ZFR2: variants seen among roughly 807,000 people sequenced by gnomAD.
The protein encoded by ZFR2 is zinc finger RNA-binding protein 2.
ZFR2 carries 104 observed loss-of-function variants against 105.7 expected under a neutral mutation model. The ratio of observed to expected loss-of-function variants is 0.98; its 90% CI spans 0.84 to 1.16. The LOEUF is 1.16. Among genes scored for constraint, ZFR2 ranks in the 50% most tolerant of loss-of-function variants. The probability of loss-of-function intolerance (pLI) is 0.00; values close to 1 mark genes in which losing one functional copy is unlikely to be tolerated. For missense variants in ZFR2, 1,425 were observed against 1,355.5 expected (o/e 1.05, Z -0.80); for synonymous variants, 634 against 597.7 (o/e 1.06, Z -0.89).
chr19:3,816,747 G>A lies in ZFR2; in HGVS notation c.2030C>T (p.Ala677Val). 1.2e-6 allele frequency: 2 copies of A among 1,612,566 alleles called. No individual in the cohort carries two copies. Among genetic ancestry groups the A allele is most frequent in the Non-Finnish European group, 1.7e-6 (2 of 1,179,786 alleles). The change falls in exon 13 of 19, where the codon GCT becomes GTT. Residue 677 changes from alanine (A) to valine (V), a missense_variant. Coordinates refer to ENST00000262961, the MANE Select transcript of ZFR2 (RefSeq NM_015174.2). ...LLRGDRNVRL[A>V]LLCSEKPTHS... ...CGTGGGCTTCTCGGAGCAGAGCAGAGCGAGGCGCACGTTCCTGTCCCCACG... is the reference window on the plus strand; with the variant it reads ...CGTGGGCTTCTCGGAGCAGAGCAGAACGAGGCGCACGTTCCTGTCCCCACG...
intron 14 of ZFR2, among the ~76,000 whole-genome samples, chr19:3,811,660 G>T (rs1359993721): frequency 6.6e-6 from 1 of 152,028 alleles, no homozygotes; most frequent in Non-Finnish European, 1.5e-5. Context: ...TCCCCATGTT[G>T]GCCAGGCTGG....
At position 3,826,980 on chromosome 19, in the gene ZFR2, G is replaced by A. The variant is rs184500999; in HGVS notation, c.1035+491C>T. Among the ~76,000 whole-genome samples, 43 of 152,060 alleles carry A rather than the reference G, an allele frequency of 2.8e-4. No homozygotes were observed. In the East Asian group the frequency reaches 7.9e-3, roughly 28 times the overall value. On this transcript the variant is annotated intron_variant, in intron 6 of 18. Coordinates refer to ENST00000262961, the MANE Select transcript of ZFR2 (RefSeq NM_015174.2). The stretch of plus-strand genomic sequence containing the variant: ...AAGGAGTCCCCGCACGGTGGCTCAC[G>A]CCTGTAATCCCGGCACTTTGGGAGG...
At chr19:3,817,184 G>A (rs771379403) in intron 12 of ZFR2, among the ~76,000 whole-genome samples, 1 of 152,168 alleles carries the variant, frequency 6.6e-6, no homozygotes, top group African/African-American at 2.4e-5. Flanking sequence ...CTGTCACCCT[G>A]TTGTTTCGGC....
At chr19:3,833,833 C>T (rs1313807131) in intron 2 of ZFR2, 55 bp from the exon 3 acceptor site, 29 of 1,410,108 alleles carry the variant, frequency 2.1e-5, no homozygotes, top group Non-Finnish European at 2.6e-5. Context: ...GCAGCTCAGG[C>T]GGTGGGTGCG....
intron 8 of ZFR2, among the ~76,000 whole-genome samples, chr19:3,822,692 G>A (rs1317491070): frequency 6.6e-6 from 1 of 152,076 alleles, no homozygotes; most frequent in Admixed American, 6.5e-5. Flanking sequence ...CTCCAGCCTC[G>A]GTGACACAGC....
At chr19:3,807,696 CAT>C (rs992572520) in intron 17 of ZFR2, among the ~76,000 whole-genome samples, 2 of 149,854 alleles carry the variant, frequency 1.3e-5, no homozygotes, top group African/African-American at 4.9e-5. Context: ...TGCATGCACC[CAT>C]GTGTGTCCAT....
rs758654255 is a variant in ZFR2, at chr19:3,806,111, C to T, written c.2658G>A (p.Met886Ile). Residue 886 changes from methionine to isoleucine, a missense_variant, in exon 19 of 19, where the codon ATG becomes ATA. By Grantham distance (10) the Met-to-Ile change is conservative (BLOSUM62 1). Coordinates refer to ENST00000262961, the MANE Select transcript of ZFR2 (RefSeq NM_015174.2). ...CCTTGTGGGTCTGCCGGAAGGCCAG[C>T]ATTCGCAGGGCGTGCTGCGGGGCAC... is the stretch of plus-strand genomic sequence containing the variant. ...VTASAQHALR[M>I]LAFRQTHKVL... is the part of the protein sequence containing the mutation. The T allele has an allele frequency of 4.1e-6, 6 of 1,465,030 alleles. No homozygotes were observed. In the African/African-American group the frequency reaches 5.8e-5, roughly 14 times the overall value. 90.8% of individuals were successfully genotyped at this position (1,465,030 alleles called of 1,614,324 possible). A position where few individuals can be genotyped will look rare whatever the true frequency, so the allele number is the denominator to read the frequency against.
intron 10 of ZFR2, 142 bp downstream of exon 10, chr19:3,821,198 C>G: frequency 8.1e-7 from 1 of 1,228,896 alleles, no homozygotes; most frequent in Non-Finnish European, 1.1e-6. Flanking sequence ...AGGACGTGCC[C>G]ACTGCCCGGG....
At chr19:3,839,410 G>A (rs977941963) in intron 1 of ZFR2, among the ~76,000 whole-genome samples, 1 of 151,754 alleles carries the variant, frequency 6.6e-6, no homozygotes, top group East Asian at 1.9e-4. Flanking sequence ...GTGGGTGCCT[G>A]TAGTCCCAGC....
In ZFR2 at chr19:3,809,017, G is replaced by T. The variant is rs1476606039; in HGVS notation, c.2434-34C>A. The T allele has an allele frequency of 3.3e-6, 5 of 1,496,572 alleles. No homozygotes were observed. The East Asian group carries it at 1.3e-4, about 38-fold the overall frequency. 92.7% of individuals were successfully genotyped at this position (1,496,572 alleles called of 1,614,324 possible). A position where few individuals can be genotyped will look rare whatever the true frequency, so the allele number is the denominator to read the frequency against. ...GACAGAAGAGCAGTTGCTGTGTTTTGGGCGCGCGGCAGCCCCTGCCTGCCC... is the reference window on the plus strand; with the variant it reads ...GACAGAAGAGCAGTTGCTGTGTTTTTGGCGCGCGGCAGCCCCTGCCTGCCC... On this transcript the variant is annotated intron_variant, in intron 16 of 18. Transcript: ENST00000262961.
intron 14 of ZFR2, among the ~76,000 whole-genome samples, chr19:3,812,415 C>T (rs936790598): frequency 3.9e-5 from 6 of 152,232 alleles, no homozygotes; most frequent in East Asian, 1.9e-4. Flanking sequence ...CTCCCCACCA[C>T]GCTGGGCCTG....
chr19:3,829,904 C>G (rs749855982), intron 5 of ZFR2, among the ~76,000 whole-genome samples: 3 of 152,190 alleles, frequency 2.0e-5, no homozygotes, highest in Non-Finnish European at 4.4e-5. Context: ...GCCTGGGTCA[C>G]TAAAACTGAC....
At chr19:3,856,609 G>T (rs900854921) in intron 1 of ZFR2, among the ~76,000 whole-genome samples, 4 of 152,098 alleles carry the variant, frequency 2.6e-5, no homozygotes, top group Admixed American at 6.6e-5. Context: ...TGTCTCTATG[G>T]ATTCACCTGT....
Position 3,805,826 on chromosome 19 carries a change from C to G in ZFR2, c.*123G>C. 1 of 1,180,062 alleles carries G rather than the reference C, an allele frequency of 8.5e-7. No individual in the cohort carries two copies. Among genetic ancestry groups the G allele is most frequent in the Non-Finnish European group, 1.1e-6 (1 of 882,362 alleles). 73.1% of individuals were successfully genotyped at this position (1,180,062 alleles called of 1,614,324 possible). ...GCACAGGTGTTTTAAAGGAAACCTA[C>G]AGAGCGTTACTCAAAAGGAAATGAC... On this transcript the variant is annotated 3_prime_UTR_variant, in exon 19 of 19. Transcript: ENST00000262961.
At chr19:3,821,967 C>T in intron 9 of ZFR2, 114 bp downstream of exon 9, 2 of 1,426,090 alleles carry the variant, frequency 1.4e-6, no homozygotes, top group Non-Finnish European at 9.3e-7. Flanking sequence ...TCACCCCTCC[C>T]TCTTAAGTTC....
Position 3,813,932 on chromosome 19 carries a change from G to A in ZFR2, c.2130C>T (p.Val710=), listed in dbSNP as rs1013811677. The A allele has an allele frequency of 6.2e-7, 1 of 1,613,922 alleles. No individual in the cohort carries two copies. The highest frequency in any genetic ancestry group is 8.5e-7 in the Non-Finnish European group (1 of 1,179,864). The change falls in exon 14 of 19, where the codon GTC becomes GTT. Residue 710 remains valine, a synonymous_variant. Transcript: ENST00000262961. The surrounding 1 kb of genome is among the most constrained non-coding windows in gnomAD (Gnocchi z 4.4). ...CAATGTTGGCTTCAGGGTCGGAGGA[G>A]ACCTCATACTCATCCTCGGTCACCA... is the stretch of plus-strand genomic sequence containing the variant. ...LQMVTEDEYE[V]SSDPEANIVI... is the part of the protein sequence containing the mutation.
chr19:3,823,268 A>G lies in ZFR2; in HGVS notation c.1349T>C (p.Val450Ala). 6.2e-7 allele frequency: 1 copy of G among 1,613,948 alleles called. No individual in the cohort carries two copies. Among genetic ancestry groups the G allele is most frequent in the Non-Finnish European group, 8.5e-7 (1 of 1,179,874 alleles). Residue 450 changes from valine (V) to alanine (A), a missense_variant, in exon 8 of 19, where the codon GTG becomes GCG. By Grantham distance (64) the Val-to-Ala change is moderately conservative. Transcript: ENST00000262961. The surrounding 1 kb of genome is among the most constrained non-coding windows in gnomAD (Gnocchi z 5.4). ...TACCTCCTCCACATATTCCGGGCCC[A>G]CCGGCTGCGCATCAGAGCAGCCCGC... is the stretch of plus-strand genomic sequence containing the variant. Reference protein sequence around the residue: ...APAGCSDAQPVGPEYVEEVFS... With the variant: ...APAGCSDAQPAGPEYVEEVFS...
chr19:3,835,814 G>A (rs141404670), intron 1 of ZFR2, among the ~76,000 whole-genome samples: 24 of 152,084 alleles, frequency 1.6e-4, no homozygotes, highest in African/African-American at 5.8e-4. Context: ...ATTAGCGAGT[G>A]TGATAGTACA....
chr19:3,858,244 G>T lies in ZFR2; in HGVS notation c.53+10721C>A, dbSNP rs193226649. Reference sequence around the variant, plus strand: ...GTAGGGCCATGCTCTTGCTTGCTCCGAAGAGACGGAGCAGGCTTAGGTGTG... The same window carrying T: ...GTAGGGCCATGCTCTTGCTTGCTCCTAAGAGACGGAGCAGGCTTAGGTGTG... On this transcript the variant is annotated intron_variant, in intron 1 of 18. Coordinates refer to ENST00000262961, the MANE Select transcript of ZFR2 (RefSeq NM_015174.2). This position sits in a 1 kb window ranked among gnomAD's most constrained non-coding sequence, Gnocchi z 4.3. Among the ~76,000 whole-genome samples, 1 of 152,124 alleles carries T rather than the reference G, an allele frequency of 6.6e-6. No individual in the cohort carries two copies. Among genetic ancestry groups the T allele is most frequent in the East Asian group, 1.9e-4 (1 of 5,202 alleles).
Sources: gnomAD v4.1 joint callset for allele counts (sites outside exome capture counted in the v4.1 genomes callset) on GRCh38, gnomAD v4.1.1 for gene constraint, Gnocchi (gnomAD v3.1) non-coding constraint, MANE v1.5 for transcripts, NCBI Gene and HGNC (gene_info 2026-07-23, HGNC 2026-07-21) for gene names.